COL4A3: variants seen among roughly 807,000 people sequenced by gnomAD.
COL4A3 encodes collagen type IV alpha 3 chain, also known as collagen alpha-3(IV) chain.
COL4A3 carries 135 observed loss-of-function variants against 217.4 expected under a neutral mutation model. That is an observed-to-expected ratio of 0.62 (90% CI 0.54 to 0.72). The LOEUF (loss-of-function observed/expected upper bound fraction) is 0.72. Among genes scored for constraint, COL4A3 ranks in the 30% least tolerant of loss-of-function variants. The probability of loss-of-function intolerance (pLI) is 0.00; values close to 1 mark genes in which losing one functional copy is unlikely to be tolerated. For synonymous variants in COL4A3, 690 were observed against 736.3 expected, an observed-to-expected ratio of 0.94 and a Z score of 1.02; for missense variants, 1,868 against 2,119.9, an observed-to-expected ratio of 0.88 and a Z score of 2.33.
At chr2:227,309,151 C>T (rs1277311852) in intron 49 of COL4A3, 53 bp from the exon 50 acceptor site, 2 of 1,609,834 alleles carry the variant, frequency 1.2e-6, no homozygotes, top group Non-Finnish European at 1.7e-6. Context: ...AAAGGCAGCA[C>T]ATGACAGTGC....
chr2:227,253,562 G>A lies in COL4A3; in HGVS notation c.689G>A (p.Gly230Asp), dbSNP rs1387958698. The A allele has an allele frequency of 6.2e-7, 1 of 1,613,428 alleles. No individual in the cohort carries two copies. Among genetic ancestry groups the A allele is most frequent in the Non-Finnish European group, 8.5e-7 (1 of 1,179,388 alleles). Residue 230 changes from glycine to aspartate, a missense_variant and splice_region_variant, in exon 13 of 52, where the codon GGT becomes GAT. By Grantham distance (94) the Gly-to-Asp change is moderately conservative (BLOSUM62 -1). This residue lies in a region of COL4A3 where 365 missense variants were observed against 333.8 expected (regional missense o/e 1.09). Coordinates refer to ENST00000396578, the MANE Select transcript of COL4A3 (RefSeq NM_000091.5). The surrounding 1 kb of genome is among the most constrained non-coding windows in gnomAD (Gnocchi z 4.4). ...ACTCCTGAGTGTTTTTGTCTTTAGG[G>A]TGTGAAAGGGTTAACAGGACCCCCG... ...ERVIGHKGER[G>D]VKGLTGPPGP...
intron 3 of COL4A3, among the ~76,000 whole-genome samples, chr2:227,242,760 A>C (rs1292171884): frequency 6.6e-6 from 1 of 152,210 alleles, no homozygotes; most frequent in African/African-American, 2.4e-5. Context: ...CACAGAACAA[A>C]TATGTGTTTC....
chr2:227,305,090 C>G lies in COL4A3; in HGVS notation c.4252+7C>G. On this transcript the variant is annotated splice_region_variant and intron_variant, in intron 47 of 51. Transcript: ENST00000396578. ...GGTTCTAAAGGAGAGCCAGGTAAAC[C>G]CCCAGCTTGTTTCCTCACCGAAGAA... is the stretch of plus-strand genomic sequence containing the variant. The G allele has an allele frequency of 1.2e-6, 2 of 1,612,172 alleles. No homozygotes were observed. The highest frequency in any genetic ancestry group is 1.7e-6 in the Non-Finnish European group (2 of 1,178,802).
rs762954610 is a variant in COL4A3, at chr2:227,201,202, T to C, written c.87+36389T>C. On this transcript the variant is annotated intron_variant, in intron 1 of 51. Transcript: ENST00000396578. ...CTGGACAGTATTTACTTAGCATCTG[T>C]GTAAAAAGCAAGAGGAGATTTTCTG... is the stretch of plus-strand genomic sequence containing the variant. Among the ~76,000 whole-genome samples the C allele has an allele frequency of 1.0e-3, 158 of 152,212 alleles. 2 individuals carry two copies. Among genetic ancestry groups the C allele is most frequent in the Non-Finnish European group, 3.1e-4 (21 of 68,036 alleles).
intron 50 of COL4A3, 107 bp downstream of exon 50, chr2:227,309,425 T>C: frequency 1.2e-6 from 1 of 819,440 alleles, no homozygotes; most frequent in Non-Finnish European, 2.0e-6. Flanking sequence ...GCTGTCCGTG[T>C]GTGCAACATG....
intron 1 of COL4A3, among the ~76,000 whole-genome samples, chr2:227,217,233 A>G (rs2125807860): frequency 1.3e-5 from 2 of 152,300 alleles, no homozygotes; most frequent in Middle Eastern, 6.8e-3. Flanking sequence ...ACAGTATGGG[A>G]GAACCACCCC....
chr2:227,297,950 T>C (rs2073103658), intron 42 of COL4A3, 91 bp downstream of exon 42: 4 of 1,394,830 alleles, frequency 2.9e-6, no homozygotes, highest in East Asian at 5.0e-5. Context: ...ACCTTGTTGC[T>C]TCTTCTTTCC....
chr2:227,268,022 G>C (rs1375509126), intron 23 of COL4A3, among the ~76,000 whole-genome samples: 1 of 152,120 alleles, frequency 6.6e-6, no homozygotes, highest in Non-Finnish European at 1.5e-5. Flanking sequence ...GGGTTCCTCT[G>C]CCCCTCGGGC....
rs2073707509 is a variant in COL4A3 at position 227,310,704 on chromosome 2, A to G, written c.4756-72A>G. The G allele has an allele frequency of 5.3e-6, 7 of 1,331,582 alleles. No homozygotes were observed. In the East Asian group the frequency reaches 1.4e-4, roughly 27 times the overall value. 82.5% of individuals were successfully genotyped at this position (1,331,582 alleles called of 1,614,324 possible). A position where few individuals can be genotyped will look rare whatever the true frequency, so the allele number is the denominator to read the frequency against. ...CTCACAGTTGCCCATTCATTCAAAA[A>G]AAAAAGTAGAGAATTGAAAATTTGA... is the stretch of plus-strand genomic sequence containing the variant. On this transcript the variant is annotated intron_variant, in intron 50 of 51. Coordinates refer to ENST00000396578, the MANE Select transcript of COL4A3 (RefSeq NM_000091.5).
intron 30 of COL4A3, 100 bp downstream of exon 30, chr2:227,280,690 C>T (rs563300524): frequency 1.5e-6 from 2 of 1,364,888 alleles, no homozygotes; most frequent in Admixed American, 1.7e-5. Flanking sequence ...TTCTCCCATC[C>T]AATGTTCCTG....
intron 18 of COL4A3, among the ~76,000 whole-genome samples, chr2:227,258,163 GA>G (rs1333425935): frequency 6.6e-6 from 1 of 152,216 alleles, no homozygotes; most frequent in Non-Finnish European, 1.5e-5. Context: ...ACGAAAAGGA[GA>G]AAGGGGACCC....
chr2:227,206,595 G>A (rs938056966), intron 1 of COL4A3, among the ~76,000 whole-genome samples: 8 of 152,108 alleles, frequency 5.3e-5, no homozygotes, highest in Non-Finnish European at 1.2e-4. Context: ...AATGCGGCCC[G>A]TGACCTCATA....
chr2:227,169,750 C>G (rs1482233634), intron 1 of COL4A3, among the ~76,000 whole-genome samples: 1 of 151,912 alleles, frequency 6.6e-6, no homozygotes, highest in African/African-American at 2.4e-5. Context: ...TTGTTTTTTT[C>G]TTATAAATTT....
intron 34 of COL4A3, 46 bp from the exon 35 acceptor site, chr2:227,289,104 C>T: frequency 6.7e-7 from 1 of 1,499,666 alleles, no homozygotes; most frequent in Non-Finnish European, 9.2e-7. Context: ...GCACCTGCCA[C>T]CACACCTGGC....
intron 1 of COL4A3, among the ~76,000 whole-genome samples, chr2:227,198,526 GT>G (rs1202776316): frequency 6.6e-6 from 1 of 152,100 alleles, no homozygotes; most frequent in Non-Finnish European, 1.5e-5. Flanking sequence ...GGTTAGACAC[GT>G]TTTTAGACAA....
intron 13 of COL4A3, 53 bp from the exon 14 acceptor site, chr2:227,254,059 A>G: frequency 6.7e-7 from 1 of 1,500,100 alleles, no homozygotes; most frequent in Non-Finnish European, 9.3e-7. Context: ...CTGTTGAATC[A>G]GTGAAATCTC....
intron 26 of COL4A3, among the ~76,000 whole-genome samples, chr2:227,274,762 G>A (rs1400291536): frequency 2.6e-5 from 4 of 152,182 alleles, no homozygotes; most frequent in South Asian, 2.1e-4. Context: ...GCCTCCCAAA[G>A]TGCTAGGATT....
In COL4A3 at chr2:227,164,732, C is replaced by T. The variant is rs1385822999; in HGVS notation, c.6C>T (p.Ser2=). 6 of 1,530,006 alleles carry T rather than the reference C, an allele frequency of 3.9e-6. No homozygotes were observed. Among genetic ancestry groups the T allele is most frequent in the East Asian group, 2.5e-5 (1 of 40,508 alleles). The allele number at this position is 1,530,006 out of a possible 1,614,324, so 94.8% of individuals were successfully genotyped here. Residue 2 remains serine (S), a synonymous_variant, in exon 1 of 52, where the codon AGC becomes AGT. Transcript: ENST00000396578. This position sits in a 1 kb window ranked among gnomAD's most constrained non-coding sequence, Gnocchi z 4.8. ...GCTCTGAGCGCGCGCCCACCATGAG[C>T]GCCCGGACCGCCCCCAGGCCGCAGG... M[S]ARTAPRPQVL...
chr2:227,202,572 G>A (rs1418469045), intron 1 of COL4A3, among the ~76,000 whole-genome samples: 5 of 150,180 alleles, frequency 3.3e-5, no homozygotes, highest in African/African-American at 9.8e-5. Context: ...GTGAAACCCC[G>A]TCTCTACAAA....
Sources: gnomAD v4.1 joint callset for allele counts (sites outside exome capture counted in the v4.1 genomes callset) on GRCh38, gnomAD v4.1.1 for gene constraint, gnomAD v4.1.1 regional missense constraint, Gnocchi (gnomAD v3.1) non-coding constraint, MANE v1.5 for transcripts, NCBI Gene and HGNC (gene_info 2026-07-23, HGNC 2026-07-21) for gene names.